Variants in RBFOX1 observed in about 807,000 individuals in gnomAD.
RBFOX1 encodes the protein RNA binding protein fox-1 homolog 1.
Under a neutral mutation model 57.7 loss-of-function variants are expected in RBFOX1, and 8 were observed. The observed-to-expected ratio is 0.14, with a 90% CI of 0.08 to 0.25. The LOEUF (loss-of-function observed/expected upper bound fraction) is 0.25. Ranked by LOEUF, RBFOX1 falls within the 10% of genes least tolerant of loss-of-function variation. RBFOX1 has a pLI of 1.00. For synonymous variants in RBFOX1, 326 were observed against 222.4 expected (o/e 1.47, Z -4.15); for missense variants, 611 against 548.5 (o/e 1.11, Z -1.14).
At chr16:7,701,536 C>T (rs1354746812) in intron 14 of RBFOX1, among the ~76,000 whole-genome samples, 1 of 152,142 alleles carries the variant, frequency 6.6e-6, no homozygotes, top group Non-Finnish European at 1.5e-5. Flanking sequence ...CTCCACCTCC[C>T]TGGTCTGTGG....
At chr16:6,343,280 G>C (rs2152830776) in intron 2 of RBFOX1, among the ~76,000 whole-genome samples, 1 of 152,202 alleles carries the variant, frequency 6.6e-6, no homozygotes, top group East Asian at 1.9e-4. Context: ...TAGGTAATCT[G>C]TGTCTTCCCC....
intron 4 of RBFOX1, among the ~76,000 whole-genome samples, chr16:7,328,087 G>A (rs2096635228): frequency 6.6e-6 from 1 of 152,124 alleles, no homozygotes; most frequent in Non-Finnish European, 1.5e-5. Context: ...TTAGTCTGGT[G>A]TCAAACTCCT....
intron 1 of RBFOX1, among the ~76,000 whole-genome samples, chr16:6,075,780 T>C (rs2095890454): frequency 6.6e-6 from 1 of 152,218 alleles, no homozygotes; most frequent in Non-Finnish European, 1.5e-5. Context: ...GGTCTCCATG[T>C]CGTGGACAAA....
At chr16:7,062,964 A>G (rs1299273496) in intron 4 of RBFOX1, among the ~76,000 whole-genome samples, 1 of 117,624 alleles carries the variant, frequency 8.5e-6, no homozygotes, top group Non-Finnish European at 1.7e-5. Context: ...TTTTTCTGTG[A>G]TCGAAGAATC....
intron 3 of RBFOX1, among the ~76,000 whole-genome samples, chr16:6,772,847 ATGGGATGCATTTGTGTGTGTG>A (rs2078566939): frequency 1.0e-5 from 1 of 98,496 alleles, no homozygotes; most frequent in Admixed American, 1.0e-4. Flanking sequence ...ATGTGTGGGC[ATGGGATGCATTTGTGTGTGTG>A]TGTCTGTGTG....
At chr16:5,730,855 C>G (rs1250209116) in intron 3 of RBFOX1, among the ~76,000 whole-genome samples, 2 of 151,986 alleles carry the variant, frequency 1.3e-5, no homozygotes, top group Non-Finnish European at 2.9e-5. Context: ...GTCATTATCA[C>G]TATCATCATT....
chr16:6,469,632 G>C (rs979312081), intron 2 of RBFOX1, among the ~76,000 whole-genome samples: 1 of 152,214 alleles, frequency 6.6e-6, no homozygotes, highest in African/African-American at 2.4e-5. Flanking sequence ...TTGATAGCCG[G>C]TGGAATCACT....
chr16:7,001,522 T>G (rs1231851224), intron 3 of RBFOX1, among the ~76,000 whole-genome samples: 1 of 152,072 alleles, frequency 6.6e-6, no homozygotes, highest in Admixed American at 6.6e-5. Flanking sequence ...AGTTGCATGA[T>G]CTCAACTCGT....
chr16:6,622,630 A>T (rs1365428669), intron 2 of RBFOX1, among the ~76,000 whole-genome samples: 1 of 152,242 alleles, frequency 6.6e-6, no homozygotes, highest in African/African-American at 2.4e-5. Context: ...GATAAAAAAT[A>T]AATAAATGAA....
chr16:7,332,773 C>G, intron 4 of RBFOX1: 1 of 1,383,504 alleles, frequency 7.2e-7, no homozygotes, highest in Non-Finnish European at 9.3e-7. Flanking sequence ...GTAGCTTCAA[C>G]TTTGCAGCTG....
At chr16:5,330,947 T>C (rs2064737729) in intron 1 of RBFOX1, among the ~76,000 whole-genome samples, 1 of 150,348 alleles carries the variant, frequency 6.7e-6, no homozygotes, top group African/African-American at 2.4e-5. Context: ...GGATATTCTT[T>C]AGATAGCAAA....
chr16:7,162,305 A>C (rs1318124552), intron 4 of RBFOX1, among the ~76,000 whole-genome samples: 2 of 152,206 alleles, frequency 1.3e-5, no homozygotes, highest in Non-Finnish European at 2.9e-5. Flanking sequence ...ACACACATAC[A>C]TGCACACATA....
Position 7,066,556 on chromosome 16 carries a change from C to T in RBFOX1, c.27+14458C>T, listed in dbSNP as rs201049931. On this transcript the variant is annotated intron_variant, in intron 4 of 15. Transcript: ENST00000550418. ...TATTTTATGTGCAAAGTTTTAGGTG[C>T]TACCAGTTAAATTATTTAACATCTA... is the stretch of plus-strand genomic sequence containing the variant. Among the ~76,000 whole-genome samples the T allele has an allele frequency of 8.7e-5, 12 of 137,544 alleles. No individual in the cohort carries two copies. The South Asian group carries it at 2.6e-3, about 30-fold the overall frequency. The allele number at this position is 137,544 out of a possible 152,430, so 90.2% of individuals were successfully genotyped here. A position where few individuals can be genotyped will look rare whatever the true frequency, so the allele number is the denominator to read the frequency against.
intron 3 of RBFOX1, among the ~76,000 whole-genome samples, chr16:5,637,881 C>T (rs867542965): frequency 2.6e-5 from 4 of 152,206 alleles, no homozygotes; most frequent in South Asian, 2.1e-4. Context: ...AAATCTGCTA[C>T]TCCCTGGAGG....
intron 1 of RBFOX1, among the ~76,000 whole-genome samples, chr16:5,454,250 T>C (rs2068512864): frequency 6.6e-6 from 1 of 152,210 alleles, no homozygotes; most frequent in South Asian, 2.1e-4. Context: ...CTGGAGGGAA[T>C]AGTGTCTATC....
At chr16:7,224,466 T>C (rs995990329) in intron 4 of RBFOX1, among the ~76,000 whole-genome samples, 4 of 151,960 alleles carry the variant, frequency 2.6e-5, no homozygotes, top group Admixed American at 2.6e-4. Context: ...TTCTCAGTCT[T>C]GGCTGCAAAT....
chr16:6,896,998 A>C (rs2153396418), intron 3 of RBFOX1, among the ~76,000 whole-genome samples: 1 of 152,340 alleles, frequency 6.6e-6, no homozygotes, highest in African/African-American at 2.4e-5. Flanking sequence ...GGCTAACAGC[A>C]GCAGGGGACG....
intron 3 of RBFOX1, among the ~76,000 whole-genome samples, chr16:5,654,851 T>C (rs1339597155): frequency 6.6e-6 from 1 of 151,780 alleles, no homozygotes; most frequent in Non-Finnish European, 1.5e-5. Flanking sequence ...GTGGCTTCCA[T>C]TGTATTCCCC....
At chr16:7,454,101 C>T (rs984464353) in intron 4 of RBFOX1, among the ~76,000 whole-genome samples, 1 of 152,164 alleles carries the variant, frequency 6.6e-6, no homozygotes, top group Non-Finnish European at 1.5e-5. Flanking sequence ...AGTGTGGTGG[C>T]CCATGCCTGT....
Sources: allele counts gnomAD v4.1 joint callset (sites outside exome capture counted in the v4.1 genomes callset), GRCh38; gene constraint gnomAD v4.1.1; transcripts MANE v1.5; gene names NCBI Gene and HGNC (gene_info 2026-07-23, HGNC 2026-07-21).